The following CFAP74 variants were observed in gnomAD, a reference collection of about 807,000 sequenced individuals.
CFAP74 encodes the protein cilia- and flagella-associated protein 74.
A neutral mutation model predicts 188.9 loss-of-function variants in CFAP74; 124 were observed. The observed-to-expected ratio is 0.66, with a 90% CI of 0.57 to 0.76. The LOEUF (loss-of-function observed/expected upper bound fraction) is 0.76, where lower values mean the gene tolerates loss of function less well. Ranked by LOEUF, CFAP74 falls within the 30% of genes least tolerant of loss-of-function variation. The pLI, the probability that CFAP74 is intolerant of heterozygous loss-of-function variation, is 0.00. For missense variants in CFAP74, 2,198 were observed against 2,165.2 expected, an observed-to-expected ratio of 1.02 and a Z score of -0.30; for synonymous variants, 956 against 916.7, an observed-to-expected ratio of 1.04 and a Z score of -0.77.
chr1:1,926,060 G>T, intron 32 of CFAP74, 122 bp from the exon 33 acceptor site: 4 of 1,400,048 alleles, frequency 2.9e-6, no homozygotes, highest in Non-Finnish European at 3.8e-6. Context: ...GGCTCTGTCA[G>T]CTCCGCTCAC....
rs915837503 is a variant in CFAP74, at chr1:1,926,358, A to C, written c.3829-11T>G. 2.6e-6 allele frequency: 4 copies of C among 1,548,954 alleles called. No individual in the cohort carries two copies. The African/African-American group carries it at 5.5e-5, about 21-fold the overall frequency. ...CAGGGAGAAGTCCAGCTGAGGGTCC[A>C]CGTCAAGGAGGGGATACAGGTGTCT... On this transcript the variant is annotated splice_polypyrimidine_tract_variant and intron_variant, in intron 31 of 38. Transcript: ENST00000682832.
intron 25 of CFAP74, among the ~76,000 whole-genome samples, chr1:1,932,761 T>G (rs1193916758): frequency 6.6e-6 from 1 of 151,324 alleles, no homozygotes; most frequent in Non-Finnish European, 1.5e-5. Flanking sequence ...CCTGGCTAAT[T>G]TTTTGTATTT....
In CFAP74 at chr1:1,979,787, G is replaced by C; in HGVS notation, c.501-5589C>G. Among the ~76,000 whole-genome samples, 2 of 116,166 alleles carry C rather than the reference G, an allele frequency of 1.7e-5. 1 individual carries two copies. Among genetic ancestry groups the C allele is most frequent in the Admixed American group, 1.7e-4 (2 of 12,086 alleles). 76.2% of individuals were successfully genotyped at this position (116,166 alleles called of 152,430 possible). A position where few individuals can be genotyped will look rare whatever the true frequency, so the allele number is the denominator to read the frequency against. On this transcript the variant is annotated intron_variant, in intron 6 of 38. Coordinates refer to ENST00000682832, the MANE Select transcript of CFAP74 (RefSeq NM_001304360.2). ...ACGCGTGTGGTACTGACCTGGGTGT[G>C]GGAAGGCGTCACATGACGAAGCTGC... is the stretch of plus-strand genomic sequence containing the variant.
rs1204171858 is a variant in CFAP74 at position 1,947,043 on chromosome 1, ATC to A, written c.2186_2187del (p.Arg729IlefsTer53). ...QEEEQPAEPE[R>X]LTTVIPPSEE... ...TCGCTGGGAGGTATCACTGTGGTTA[ATC>A]TCTCTGGTTCTGGAAGAGAAGGGGG... On this transcript the variant is annotated frameshift_variant, in exon 19 of 39. Transcript: ENST00000682832. LOFTEE classifies it high-confidence loss of function. The A allele has an allele frequency of 6.5e-7, 1 of 1,535,766 alleles. No homozygotes were observed. The highest frequency in any genetic ancestry group is 1.4e-5 in the African/African-American group (1 of 73,036).
In CFAP74 at chr1:1,965,001, G is replaced by A. The variant is rs16824585; in HGVS notation, c.1462C>T (p.Leu488=). 394,015 of 1,612,618 alleles carry A rather than the reference G, an allele frequency of 0.24. 49,119 individuals carry two copies. The highest frequency in any genetic ancestry group is 0.26 in the East Asian group (11,847 of 44,772). Reference sequence around the variant, plus strand: ...CGCAGCCGCTCCACCGTGCGCTCCAGGATGTCCTTGTCCATCTTTGTCCCG... The same window carrying A: ...CGCAGCCGCTCCACCGTGCGCTCCAAGATGTCCTTGTCCATCTTTGTCCCG... The part of the protein sequence containing the change: ...VGGTKMDKDI[L]ERTVERLRSR... The change falls in exon 13 of 39, where the codon CTG becomes TTG. Residue 488 remains leucine (L), a synonymous_variant. Coordinates refer to ENST00000682832, the MANE Select transcript of CFAP74 (RefSeq NM_001304360.2).
At position 1,942,311 on chromosome 1, in the gene CFAP74, C is replaced by T. The variant is rs1015836601; in HGVS notation, c.2487-155G>A. Among the ~76,000 whole-genome samples the T allele has an allele frequency of 6.6e-6, 1 of 152,194 alleles. No individual in the cohort carries two copies. Among genetic ancestry groups the T allele is most frequent in the African/African-American group, 2.4e-5 (1 of 41,442 alleles). Reference sequence around the variant, plus strand: ...AGCCATGCACGTGCACCTCGACAATCGGAGTCCTCAAAGCCCTGCTTTGTA... The same window carrying T: ...AGCCATGCACGTGCACCTCGACAATTGGAGTCCTCAAAGCCCTGCTTTGTA... On this transcript the variant is annotated intron_variant, in intron 21 of 38. Transcript: ENST00000682832. The surrounding 1 kb of genome is among the most constrained non-coding windows in gnomAD (Gnocchi z 4.3).
chr1:1,955,613 GC>G (rs1654556074), intron 18 of CFAP74, 77 bp downstream of exon 18: 1 of 1,612,512 alleles, frequency 6.2e-7, no homozygotes, highest in Non-Finnish European at 8.5e-7. Flanking sequence ...CCTCCCCTGG[GC>G]CCCTCAGCCC....
intron 25 of CFAP74, among the ~76,000 whole-genome samples, chr1:1,934,734 C>G (rs34454803): frequency 0.77 from 71,652 of 93,520 alleles, 28,003 homozygotes; most frequent in African/African-American, 0.86. Flanking sequence ...TAGGTACACA[C>G]GTGTGTACGT....
At chr1:1,993,178 G>A (rs1234622138) in intron 1 of CFAP74, among the ~76,000 whole-genome samples, 18 of 146,424 alleles carry the variant, frequency 1.2e-4, no homozygotes, top group East Asian at 8.1e-4. Flanking sequence ...TCTAGCCTGG[G>A]CGACAGGGGA....
At chr1:1,960,053 C>T (rs369155381) in intron 14 of CFAP74, 23 bp from the exon 15 acceptor site, 1 of 1,592,672 alleles carries the variant, frequency 6.3e-7, no homozygotes, top group Non-Finnish European at 8.6e-7. Flanking sequence ...ACCCATAGCA[C>T]ACGGGGGTTA....
At chr1:1,963,728 C>T in intron 14 of CFAP74, 21 bp downstream of exon 14, 8 of 1,531,284 alleles carry the variant, frequency 5.2e-6, no homozygotes, top group South Asian at 1.1e-5. Flanking sequence ...GCGTCCCTCC[C>T]TGTCTGAGCC....
intron 5 of CFAP74, among the ~76,000 whole-genome samples, chr1:1,985,791 G>A (rs1318990086): frequency 1.3e-5 from 2 of 152,222 alleles, no homozygotes; most frequent in Non-Finnish European, 2.9e-5. Context: ...TGTGACCCGG[G>A]AAGGACCCAG....
At chr1:1,944,540 A>G in intron 20 of CFAP74, 88 bp from the exon 21 acceptor site, 1 of 1,379,262 alleles carries the variant, frequency 7.3e-7, no homozygotes, top group Non-Finnish European at 9.9e-7. Flanking sequence ...CCCAGGAGGA[A>G]CGTTTCATGG....
At position 1,968,818 on chromosome 1, in the gene CFAP74, C is replaced by G; in HGVS notation, c.1062G>C (p.Glu354Asp). ...TGATCTCCTGCTTTCTGAGCTTCTG[C>G]TCCTCCTCAAAGGCCCTGCGTGGAG... Reference protein sequence around the residue: ...LEAQKRAFEEEQKLRKQEIIS... With the variant: ...LEAQKRAFEEDQKLRKQEIIS... Residue 354 changes from glutamate to aspartate, a missense_variant, in exon 11 of 39, where the codon GAG (glutamate) becomes GAC (aspartate). Physicochemically the swap from Glu to Asp is conservative, Grantham distance 45. Transcript: ENST00000682832. This position sits in a 1 kb window ranked among gnomAD's most constrained non-coding sequence, Gnocchi z 4.3. 6.2e-7 allele frequency: 1 copy of G among 1,614,018 alleles called. No individual in the cohort carries two copies. The highest frequency in any genetic ancestry group is 8.5e-7 in the Non-Finnish European group (1 of 1,179,934).
chr1:1,941,598 A>G (rs1052891985), intron 22 of CFAP74, among the ~76,000 whole-genome samples: 3 of 152,158 alleles, frequency 2.0e-5, no homozygotes, highest in Admixed American at 1.3e-4. Flanking sequence ...TTACTGGGAA[A>G]GGGATGAAGA....
intron 6 of CFAP74, chr1:1,984,118 C>G (rs1334495457): frequency 6.6e-6 from 1 of 152,180 alleles, no homozygotes; most frequent in African/African-American, 2.4e-5. Flanking sequence ...CTCAGCCTCC[C>G]GAGTAGCTGG....
intron 5 of CFAP74, among the ~76,000 whole-genome samples, chr1:1,985,836 C>T (rs1027226471): frequency 3.3e-5 from 5 of 152,234 alleles, no homozygotes; most frequent in South Asian, 2.1e-4. Context: ...CGCGTCAGGG[C>T]GCCCTGGGTC....
chr1:1,923,547 G>C lies in CFAP74; in HGVS notation c.4390-48C>G. 6.3e-7 allele frequency: 1 copy of C among 1,588,896 alleles called. No homozygotes were observed. Among genetic ancestry groups the C allele is most frequent in the Admixed American group, 1.7e-5 (1 of 58,916 alleles). The stretch of plus-strand genomic sequence containing the variant: ...CCTTGTCCCCGAAGCTCGGCGGCAG[G>C]GGTCCTGCTGGTGAGAGCTGGGCTG... On this transcript the variant is annotated intron_variant, in intron 35 of 38. Transcript: ENST00000682832. The surrounding 1 kb of genome is among the most constrained non-coding windows in gnomAD (Gnocchi z 6.3).
Position 1,926,992 on chromosome 1 carries a change from G to A in CFAP74, c.3564C>T (p.Leu1188=). The stretch of plus-strand genomic sequence containing the variant: ...TGTCAAACTTCGCCTGGAACGCTCT[G>A]AGCAGGGTGGCTCGGGCGGCCTGGT... The part of the protein sequence containing the change: ...DEYQAARATL[L]RAFQAKFDTF... Residue 1188 remains leucine, a synonymous_variant, in exon 29 of 39, where the codon CTC becomes CTT. Coordinates refer to ENST00000682832, the MANE Select transcript of CFAP74 (RefSeq NM_001304360.2). 2.6e-6 allele frequency: 4 copies of A among 1,550,270 alleles called. No individual in the cohort carries two copies. The highest frequency in any genetic ancestry group is 3.5e-6 in the Non-Finnish European group (4 of 1,146,890).
Sources: allele counts gnomAD v4.1 joint callset (sites outside exome capture counted in the v4.1 genomes callset), GRCh38; gene constraint gnomAD v4.1.1; non-coding constraint Gnocchi (gnomAD v3.1); transcripts MANE v1.5; gene names NCBI Gene and HGNC (gene_info 2026-07-23, HGNC 2026-07-21).